ULK4: variants seen among roughly 807,000 people sequenced by gnomAD.
The protein encoded by ULK4 is inactive serine/threonine-protein kinase ULK4.
In ULK4, 133 loss-of-function variants were observed where a neutral mutation model predicts 160.6. The observed-to-expected ratio is 0.83, with a 90% CI of 0.72 to 0.96. The LOEUF is 0.96. Among genes scored for constraint, ULK4 ranks in the 40% least tolerant of loss-of-function variants. ULK4 has a pLI of 0.00. For missense variants in ULK4, 1,580 were observed against 1,499.5 expected (o/e 1.05, Z -0.89); for synonymous variants, 534 against 539.8 (o/e 0.99, Z 0.15).
intron 31 of ULK4, among the ~76,000 whole-genome samples, chr3:41,605,655 A>G (rs1223561694): frequency 6.6e-6 from 1 of 152,042 alleles, no homozygotes; most frequent in Non-Finnish European, 1.5e-5. Context: ...TTACAATACG[A>G]GAGTCTGTAG....
chr3:41,826,162 C>G (rs2041343934), intron 18 of ULK4, among the ~76,000 whole-genome samples: 1 of 152,112 alleles, frequency 6.6e-6, no homozygotes, highest in Non-Finnish European at 1.5e-5. Context: ...GAAGGAAGCA[C>G]TAAACATGGA....
chr3:41,792,920 A>G (rs1424033978), intron 20 of ULK4, among the ~76,000 whole-genome samples: 1 of 152,256 alleles, frequency 6.6e-6, no homozygotes, highest in South Asian at 2.1e-4. Flanking sequence ...CACGCCTGCA[A>G]TCCCAGCACT....
chr3:41,767,268 C>T (rs887930038), intron 21 of ULK4, among the ~76,000 whole-genome samples: 1 of 151,826 alleles, frequency 6.6e-6, no homozygotes, highest in African/African-American at 2.4e-5. Context: ...TGCAAAATAC[C>T]GAAAATTAGA....
At chr3:41,808,862 G>A (rs186971971) in intron 19 of ULK4, among the ~76,000 whole-genome samples, 8 of 152,210 alleles carry the variant, frequency 5.3e-5, no homozygotes, top group African/African-American at 1.7e-4. Context: ...CTACACAGTC[G>A]CTGACTTAAG....
At chr3:41,883,742 G>A (rs1321687592) in intron 17 of ULK4, 132 bp downstream of exon 17, 6 of 845,992 alleles carry the variant, frequency 7.1e-6, no homozygotes, top group Non-Finnish European at 1.2e-5. Flanking sequence ...TGAGGTAACA[G>A]TTTTAGAACG....
At chr3:41,380,391 G>C (rs2081620974) in intron 35 of ULK4, among the ~76,000 whole-genome samples, 1 of 152,106 alleles carries the variant, frequency 6.6e-6, no homozygotes, top group South Asian at 2.1e-4. Flanking sequence ...AGAAAGTTTA[G>C]AATCACTGAT....
intron 20 of ULK4, among the ~76,000 whole-genome samples, chr3:41,797,024 A>AAT (rs1489235500): frequency 1.3e-5 from 2 of 152,216 alleles, no homozygotes; most frequent in Non-Finnish European, 2.9e-5. Context: ...CAGTAGCAGT[A>AAT]ATAGTATCAC....
chr3:41,903,055 G>A (rs1698429972), intron 12 of ULK4, among the ~76,000 whole-genome samples: 1 of 152,122 alleles, frequency 6.6e-6, no homozygotes, highest in Non-Finnish European at 1.5e-5. Context: ...TGGATGGAAA[G>A]GATGGTGTCT....
chr3:41,551,188 A>C (rs1346812399), intron 32 of ULK4, among the ~76,000 whole-genome samples: 1 of 151,956 alleles, frequency 6.6e-6, no homozygotes, highest in African/African-American at 2.4e-5. Context: ...AAAAGTAGAA[A>C]GATTTCACAT....
Position 41,554,071 on chromosome 3 carries a change from T to C in ULK4, c.3226+11954A>G, listed in dbSNP as rs138582355. Among the ~76,000 whole-genome samples the C allele has an allele frequency of 1.6e-4, 25 of 152,286 alleles. 2 individuals are homozygous for C. The East Asian group carries it at 4.6e-3, about 28-fold the overall frequency. ...TTAATTTTTTGCTCCCTCAAATAAC[T>C]GAGAACATGTGAAATTTGTCTTCCC... On this transcript the variant is annotated intron_variant, in intron 32 of 36. Transcript: ENST00000301831.
intron 35 of ULK4, among the ~76,000 whole-genome samples, chr3:41,361,099 G>A (rs924548481): frequency 3.3e-5 from 5 of 152,122 alleles, no homozygotes; most frequent in Middle Eastern, 3.2e-3. Context: ...GTGAGACCTG[G>A]TGCAGAAGCT....
At chr3:41,899,069 G>T (rs1194629593) in intron 13 of ULK4, 1 of 152,442 alleles carries the variant, frequency 6.6e-6, no homozygotes, top group African/African-American at 2.4e-5. Flanking sequence ...TTACAGAGAG[G>T]TAGAAGGTGG....
chr3:41,858,161 T>TGG lies in ULK4; in HGVS notation c.1657-22191_1657-22190insCC, dbSNP rs1559612434. ...TTTTTTTGTTTGTTTTTTTTTTTTT[T>TGG]TTTTTTTTTGGCAGAATCTCACTTT... On this transcript the variant is annotated intron_variant, in intron 17 of 36. Coordinates refer to ENST00000301831, the MANE Select transcript of ULK4 (RefSeq NM_017886.4). 3.1e-3 allele frequency among the ~76,000 whole-genome samples: 446 copies of TGG among 144,958 alleles called. 2 individuals carry two copies. The highest frequency in any genetic ancestry group is 0.011 in the African/African-American group (424 of 39,744).
intron 32 of ULK4, among the ~76,000 whole-genome samples, chr3:41,540,901 G>GT (rs2086673622): frequency 1.3e-5 from 2 of 151,868 alleles, no homozygotes; most frequent in Non-Finnish European, 2.9e-5. Context: ...TTGTAAATTT[G>GT]CTAAGTTCTT....
intron 30 of ULK4, among the ~76,000 whole-genome samples, chr3:41,640,304 T>G (rs1269428722): frequency 6.6e-6 from 1 of 152,092 alleles, no homozygotes; most frequent in Non-Finnish European, 1.5e-5. Flanking sequence ...AAATGACTGG[T>G]GAATTGAGAA....
chr3:41,282,415 G>A (rs573140870), intron 35 of ULK4, among the ~76,000 whole-genome samples: 1 of 152,316 alleles, frequency 6.6e-6, no homozygotes, highest in African/African-American at 2.4e-5. Context: ...CAAGGCTACA[G>A]TAACCAAAAC....
At chr3:41,898,283 CA>C in intron 14 of ULK4, 148 bp downstream of exon 14, 1 of 521,856 alleles carries the variant, frequency 1.9e-6, no homozygotes, top group Non-Finnish European at 3.4e-6. Flanking sequence ...AGATTGTTTA[CA>C]ATTCGTGTAA....
chr3:41,630,737 CT>C (rs2033706971), intron 30 of ULK4, among the ~76,000 whole-genome samples: 1 of 152,188 alleles, frequency 6.6e-6, no homozygotes, highest in African/African-American at 2.4e-5. Context: ...GAACTTGCCC[CT>C]GGTCCCAGTT....
intron 30 of ULK4, among the ~76,000 whole-genome samples, chr3:41,632,179 C>A (rs1001840205): frequency 6.6e-6 from 1 of 152,072 alleles, no homozygotes; most frequent in Non-Finnish European, 1.5e-5. Flanking sequence ...GGGGAGTGAA[C>A]AGGAAGAGGC....
Sources: gnomAD v4.1 joint callset for allele counts (sites outside exome capture counted in the v4.1 genomes callset) on GRCh38, gnomAD v4.1.1 for gene constraint, MANE v1.5 for transcripts, NCBI Gene and HGNC (gene_info 2026-07-23, HGNC 2026-07-21) for gene names.